Variants in AP1S2 observed in about 807,000 individuals in gnomAD.
AP1S2 encodes adaptor related protein complex 1 subunit sigma 2, also known as AP-1 complex subunit sigma-2.
In AP1S2, 1 loss-of-function variant was observed where a neutral mutation model predicts 14.3. The observed-to-expected ratio is 0.07, with a 90% CI of 0.02 to 0.33. The LOEUF (loss-of-function observed/expected upper bound fraction) is 0.33. Among genes scored for constraint, AP1S2 ranks in the 10% least tolerant of loss-of-function variants. The pLI, the probability that AP1S2 is intolerant of heterozygous loss-of-function variation, is 0.99. For synonymous variants in AP1S2, 30 were observed against 40.5 expected (o/e 0.74, Z 0.99); for missense variants, 30 against 117.7 (o/e 0.25, Z 3.45).
intron 4 of AP1S2, chrX:15,831,077 C>G (rs1933422465): frequency 5.4e-6 from 4 of 737,055 alleles, no homozygotes; most frequent in East Asian, 1.5e-4. Flanking sequence ...AAAATAGTTT[C>G]TTTTTTTAAC....
intron 4 of AP1S2, among the ~76,000 whole-genome samples, chrX:15,840,213 C>T (rs1362379585): frequency 8.9e-6 from 1 of 111,908 alleles, no homozygotes; most frequent in African/African-American, 3.3e-5. Flanking sequence ...TCACAGATTA[C>T]TTTAGTGAGA....
Position 15,845,905 on chromosome X carries a change from T to A in AP1S2, c.286A>T (p.Ser96Cys). Reference protein sequence around the residue: ...YVELLDKYFGSVCELDIIFNF... With the variant: ...YVELLDKYFGCVCELDIIFNF... ...TCCTAAAATAAAATACTACTCACACTGCCGAAATACTTGTCAAGTAATTCC... is the reference window on the plus strand; with the variant it reads ...TCCTAAAATAAAATACTACTCACACAGCCGAAATACTTGTCAAGTAATTCC... Residue 96 changes from serine to cysteine, a missense_variant and splice_region_variant, in exon 3 of 6, where the codon AGT becomes TGT. Physicochemically the swap from Ser to Cys is moderately radical, Grantham distance 112 (BLOSUM62 -1). Around this residue, in one of 3 missense-constraint regions of AP1S2, gnomAD observed 3 missense variants for 40.9 expected, o/e 0.07. Coordinates refer to ENST00000672987, the MANE Select transcript of AP1S2 (RefSeq NM_001272071.2). 8.4e-7 allele frequency: 1 copy of A among 1,194,810 alleles called. No individual in the cohort carries two copies. Among genetic ancestry groups the A allele is most frequent in the Non-Finnish European group, 1.1e-6 (1 of 880,020 alleles).
At chrX:15,834,628 A>G (rs189678890) in intron 4 of AP1S2, among the ~76,000 whole-genome samples, 971 of 92,115 alleles carry the variant, frequency 0.011, 15 homozygotes, top group African/African-American at 0.036. Flanking sequence ...GGCACCCACC[A>G]CTGTGCCCGG....
At position 15,852,330 on chromosome X, in the gene AP1S2, C is replaced by G; in HGVS notation, c.179+16G>C. The G allele has an allele frequency of 8.3e-7, 1 of 1,205,289 alleles. No individual in the cohort carries two copies. Among genetic ancestry groups the G allele is most frequent in the Non-Finnish European group, 1.1e-6 (1 of 891,048 alleles). On this transcript the variant is annotated intron_variant, in intron 2 of 5. Transcript: ENST00000672987. ...ATTTGATTCTATTTCACCTTTCTGACAAACAAAAATTATACCTTTTGTAAA... is the reference window on the plus strand; with the variant it reads ...ATTTGATTCTATTTCACCTTTCTGAGAAACAAAAATTATACCTTTTGTAAA...
intron 4 of AP1S2, among the ~76,000 whole-genome samples, chrX:15,833,722 C>T (rs933355545): frequency 2.7e-5 from 3 of 111,631 alleles, no homozygotes; most frequent in African/African-American, 9.8e-5. Flanking sequence ...CTTTCAGATA[C>T]AAAGAAAGTA....
chrX:15,828,204 A>G lies in AP1S2; in HGVS notation c.427-4T>C, dbSNP rs1425755675. 4 of 1,114,804 alleles carry G rather than the reference A, an allele frequency of 3.6e-6. No homozygotes were observed. The highest frequency in any genetic ancestry group is 5.6e-5 in the Admixed American group (2 of 35,477). The allele number at this position is 1,114,804 out of a possible 1,213,427, so 91.9% of individuals were successfully genotyped here. A position where few individuals can be genotyped will look rare whatever the true frequency, so the allele number is the denominator to read the frequency against. ...GTAATAAACTTACTTTCGCATCCTAATCATGGTACAGCACAAAGCAAGGAG... is the reference window on the plus strand; with the variant it reads ...GTAATAAACTTACTTTCGCATCCTAGTCATGGTACAGCACAAAGCAAGGAG... On this transcript the variant is annotated splice_polypyrimidine_tract_variant and splice_region_variant and intron_variant, in intron 4 of 5. Coordinates refer to ENST00000672987, the MANE Select transcript of AP1S2 (RefSeq NM_001272071.2).
chrX:15,850,797 A>G (rs903553708), intron 2 of AP1S2, among the ~76,000 whole-genome samples: 1 of 110,679 alleles, frequency 9.0e-6, no homozygotes, highest in Non-Finnish European at 1.9e-5. Flanking sequence ...TCTCAGTTCA[A>G]TCTTTTAAGA....
chrX:15,850,218 T>C (rs1195087807), intron 2 of AP1S2, among the ~76,000 whole-genome samples: 2 of 111,646 alleles, frequency 1.8e-5, no homozygotes, highest in East Asian at 5.6e-4. Flanking sequence ...ATCAGGCTTC[T>C]CTTAATGAAA....
At chrX:15,830,651 T>A (rs1400539169) in intron 4 of AP1S2, 1 of 629,885 alleles carries the variant, frequency 1.6e-6, no homozygotes, top group Non-Finnish European at 1.9e-6. Context: ...TTCAGAAATA[T>A]AATGCCACAG....
chrX:15,827,453 CTTGT>C (rs1430349175), intron 5 of AP1S2, 81 bp from the exon 6 acceptor site: 1 of 908,419 alleles, frequency 1.1e-6, no homozygotes, highest in Non-Finnish European at 1.6e-6. Context: ...GAAGAACATG[CTTGT>C]TTTAGAGAAT....
chrX:15,853,483 G>A (rs1934237126), intron 1 of AP1S2, among the ~76,000 whole-genome samples: 1 of 112,536 alleles, frequency 8.9e-6, no homozygotes, highest in South Asian at 3.6e-4. Flanking sequence ...TTTAAAGGCA[G>A]AATTCACATA....
In AP1S2 at chrX:15,840,489, G is replaced by A. The variant is rs983890412; in HGVS notation, c.426+4890C>T. The A allele has an allele frequency of 5.4e-6, 5 of 928,395 alleles. No homozygotes were observed. The African/African-American group carries it at 1.0e-4, about 19-fold the overall frequency. 76.5% of individuals were successfully genotyped at this position (928,395 alleles called of 1,213,427 possible). A position where few individuals can be genotyped will look rare whatever the true frequency, so the allele number is the denominator to read the frequency against. Reference sequence around the variant, plus strand: ...CCATGCCACAAAAATGGTAAATTTAGTAGTTACCAATAAATAAGTTGGGGA... The same window carrying A: ...CCATGCCACAAAAATGGTAAATTTAATAGTTACCAATAAATAAGTTGGGGA... On this transcript the variant is annotated intron_variant, in intron 4 of 5. Coordinates refer to ENST00000672987, the MANE Select transcript of AP1S2 (RefSeq NM_001272071.2).
At chrX:15,847,237 A>G (rs1934024726) in intron 2 of AP1S2, among the ~76,000 whole-genome samples, 1 of 111,353 alleles carries the variant, frequency 9.0e-6, no homozygotes, top group South Asian at 3.8e-4. Context: ...CAACAGCATT[A>G]ATTTCATTAT....
At chrX:15,834,439 A>AATAT (rs1161066866) in intron 4 of AP1S2, among the ~76,000 whole-genome samples, 857 of 24,979 alleles carry the variant, frequency 0.034, 57 homozygotes, top group Non-Finnish European at 0.049. Flanking sequence ...TCCCTTCCAA[A>AATAT]ATATATATAT....
chrX:15,851,218 C>A (rs1404385253), intron 2 of AP1S2, among the ~76,000 whole-genome samples: 2 of 112,350 alleles, frequency 1.8e-5, no homozygotes, highest in Admixed American at 9.4e-5. Context: ...TAAGACCAAA[C>A]GAAACACTGG....
intron 1 of AP1S2, among the ~76,000 whole-genome samples, chrX:15,854,429 G>A (rs1242384701): frequency 8.9e-6 from 1 of 112,607 alleles, no homozygotes; most frequent in Non-Finnish European, 1.9e-5. Flanking sequence ...CGCAAAACTT[G>A]AGGCGATTCC....
chrX:15,831,061 T>A (rs1201583685), intron 4 of AP1S2: 1 of 726,747 alleles, frequency 1.4e-6, no homozygotes, highest in East Asian at 1.5e-4. Flanking sequence ...TGTAAGATAA[T>A]CACACAAAAT....
At chrX:15,827,887 G>C (rs1161812921) in intron 5 of AP1S2, among the ~76,000 whole-genome samples, 1 of 111,387 alleles carries the variant, frequency 9.0e-6, no homozygotes, top group Non-Finnish European at 1.9e-5. Flanking sequence ...GACCTCCCCA[G>C]TGCAACCAAT....
chrX:15,833,320 G>A (rs1212862443), intron 4 of AP1S2: 2 of 859,377 alleles, frequency 2.3e-6, no homozygotes, highest in Admixed American at 1.3e-4. Context: ...GACCACCCAG[G>A]CATTTCCACC....
Sources: allele counts gnomAD v4.1 joint callset (sites outside exome capture counted in the v4.1 genomes callset), GRCh38; gene constraint gnomAD v4.1.1; regional missense constraint gnomAD v4.1.1; transcripts MANE v1.5; gene names NCBI Gene and HGNC (gene_info 2026-07-23, HGNC 2026-07-21).